SLC7A11: variants seen among roughly 807,000 people sequenced by gnomAD.
SLC7A11 encodes the protein solute carrier family 7 member 11, also known as cystine/glutamate transporter.
A neutral mutation model predicts 54.5 loss-of-function variants in SLC7A11; 35 were observed. That is an observed-to-expected ratio of 0.64 (90% CI 0.49 to 0.85). SLC7A11 has a LOEUF of 0.85. Ranked by LOEUF, SLC7A11 falls within the 40% of genes least tolerant of loss-of-function variation. The pLI is 0.00. For missense variants in SLC7A11, 583 were observed against 618.1 expected (o/e 0.94, Z 0.60); for synonymous variants, 230 against 225.2 (o/e 1.02, Z -0.19).
chr4:138,179,459 T>G (rs947947083), intron 10 of SLC7A11, 65 bp from the exon 11 acceptor site: 2 of 1,403,110 alleles, frequency 1.4e-6, no homozygotes, highest in African/African-American at 1.4e-5. Context: ...GGGTTTGAGA[T>G]GAGCGTGTCA....
At position 138,183,224 on chromosome 4, in the gene SLC7A11, C is replaced by G. The variant is rs748677483; in HGVS notation, c.997G>C (p.Gly333Arg). 11 of 1,611,358 alleles carry G rather than the reference C, an allele frequency of 6.8e-6. No individual in the cohort carries two copies. Among genetic ancestry groups the G allele is most frequent in the Non-Finnish European group, 7.6e-6 (9 of 1,178,354 alleles). ...CACCTGGAGACAGCAAACACACCAC[C>G]GTTCATGGAGCCAAAGCAGGAGAGG... ...VALSCFGSMN[G>R]GVFAVSRLFY... is the part of the protein sequence containing the mutation. The change falls in exon 8 of 12, where the codon GGT (glycine) becomes CGT (arginine). Residue 333 changes from glycine to arginine, a missense_variant. Gly to Arg is a moderately radical substitution (Grantham distance 125, BLOSUM62 -2). Coordinates refer to ENST00000280612, the MANE Select transcript of SLC7A11 (RefSeq NM_014331.4).
intron 6 of SLC7A11, among the ~76,000 whole-genome samples, chr4:138,191,774 T>A (rs1737018090): frequency 6.6e-6 from 1 of 152,140 alleles, no homozygotes; most frequent in Non-Finnish European, 1.5e-5. Flanking sequence ...ACACAAAAAA[T>A]TTGCATTGTC....
In SLC7A11 at chr4:138,167,088, C is replaced by CTAA. The variant is rs1343657116; in HGVS notation, c.*4865_*4867dup. On this transcript the variant is annotated 3_prime_UTR_variant, in exon 12 of 12. Coordinates refer to ENST00000280612, the MANE Select transcript of SLC7A11 (RefSeq NM_014331.4). Reference sequence around the variant, plus strand: ...TAAAAAATAATTTTTAAGTACAGTACTAATAAACTAAGGATGACCTAGAGA... The same window carrying CTAA: ...TAAAAAATAATTTTTAAGTACAGTACTAATAATAAACTAAGGATGACCTAGAGA... The CTAA allele has an allele frequency of 6.9e-6, 1 of 145,150 alleles. No individual in the cohort carries two copies. The highest frequency in any genetic ancestry group is 2.0e-4 in the East Asian group (1 of 4,918). 9.0% of individuals were successfully genotyped at this position (145,150 alleles called of 1,614,324 possible). A position where few individuals can be genotyped will look rare whatever the true frequency, so the allele number is the denominator to read the frequency against.
chr4:138,190,742 C>T (rs1051333956), intron 6 of SLC7A11, among the ~76,000 whole-genome samples: 1 of 152,158 alleles, frequency 6.6e-6, no homozygotes, highest in African/African-American at 2.4e-5. Context: ...CTGACTCTTG[C>T]TCACACTAAA....
Position 138,170,569 on chromosome 4 carries a change from CCT to C in SLC7A11, c.*1385_*1386del, listed in dbSNP as rs1226487092. On this transcript the variant is annotated 3_prime_UTR_variant, in exon 12 of 12. Coordinates refer to ENST00000280612, the MANE Select transcript of SLC7A11 (RefSeq NM_014331.4). ...GACCTCAGGTGATCCACCCCCTCAGCCTCCCAAAGTGCTGGGATTACAGATGT... is the reference window on the plus strand; with the variant it reads ...GACCTCAGGTGATCCACCCCCTCAGCCCCAAAGTGCTGGGATTACAGATGT... 1 of 151,906 alleles carries C rather than the reference CCT, an allele frequency of 6.6e-6. No homozygotes were observed. Among genetic ancestry groups the C allele is most frequent in the Non-Finnish European group, 1.5e-5 (1 of 67,998 alleles). The allele number at this position is 151,906 out of a possible 1,614,324, so 9.4% of individuals were successfully genotyped here.
At chr4:138,179,516 A>T (rs1424564175) in intron 10 of SLC7A11, 122 bp from the exon 11 acceptor site, 4 of 731,518 alleles carry the variant, frequency 5.5e-6, no homozygotes, top group Non-Finnish European at 6.7e-6. Context: ...GCGACCAGGT[A>T]ACAGGCACCA....
intron 6 of SLC7A11, among the ~76,000 whole-genome samples, chr4:138,189,364 G>A (rs147124666): frequency 0.011 from 1,602 of 152,158 alleles, 11 homozygotes; most frequent in Middle Eastern, 0.034. Context: ...AGTAATACCC[G>A]CAATTTTTAA....
chr4:138,234,450 A>T (rs1738156159), intron 2 of SLC7A11, among the ~76,000 whole-genome samples: 1 of 152,208 alleles, frequency 6.6e-6, no homozygotes, highest in Admixed American at 6.5e-5. Flanking sequence ...TAAAAGGCCA[A>T]CTCAGCAATA....
At chr4:138,187,173 C>T (rs1736900514) in intron 6 of SLC7A11, among the ~76,000 whole-genome samples, 1 of 152,144 alleles carries the variant, frequency 6.6e-6, no homozygotes, top group Non-Finnish European at 1.5e-5. Context: ...AGTCAGCCCC[C>T]TGCCTGTTTC....
At chr4:138,190,900 A>G (rs775118011) in intron 6 of SLC7A11, among the ~76,000 whole-genome samples, 4 of 152,086 alleles carry the variant, frequency 2.6e-5, no homozygotes, top group Non-Finnish European at 5.9e-5. Context: ...GACTGAGAGC[A>G]TCTGTAGAAG....
At chr4:138,173,024 G>T (rs555215376) in intron 11 of SLC7A11, among the ~76,000 whole-genome samples, 1 of 151,868 alleles carries the variant, frequency 6.6e-6, no homozygotes, top group South Asian at 2.1e-4. Flanking sequence ...TGTATTTTTA[G>T]TAGAGACGGG....
At chr4:138,187,357 C>T (rs552122714) in intron 6 of SLC7A11, among the ~76,000 whole-genome samples, 14 of 152,240 alleles carry the variant, frequency 9.2e-5, no homozygotes, top group African/African-American at 2.9e-4. Context: ...TTTTATTAGG[C>T]ACTTTACATA....
intron 6 of SLC7A11, among the ~76,000 whole-genome samples, chr4:138,191,546 CAG>C (rs1226907585): frequency 6.6e-6 from 1 of 151,898 alleles, no homozygotes; most frequent in African/African-American, 2.4e-5. Context: ...GAAAAATGGC[CAG>C]AAGGGTCACT....
intron 6 of SLC7A11, among the ~76,000 whole-genome samples, chr4:138,195,744 A>T (rs1737116002): frequency 6.6e-6 from 1 of 152,164 alleles, no homozygotes; most frequent in Non-Finnish European, 1.5e-5. Context: ...TTATGTATTC[A>T]TACTCACCAA....
At chr4:138,213,505 T>C (rs935916437) in intron 6 of SLC7A11, among the ~76,000 whole-genome samples, 1 of 151,188 alleles carries the variant, frequency 6.6e-6, no homozygotes, top group Non-Finnish European at 1.5e-5. Context: ...TAGAAATCAG[T>C]GTGTGTTTGT....
At chr4:138,232,997 TAAG>T (rs1179793543) in intron 2 of SLC7A11, among the ~76,000 whole-genome samples, 2 of 151,962 alleles carry the variant, frequency 1.3e-5, no homozygotes, top group African/African-American at 4.8e-5. Context: ...CTGATACAAT[TAAG>T]AAAATATAAA....
chr4:138,222,045 A>G (rs188019146), intron 4 of SLC7A11, among the ~76,000 whole-genome samples: 1 of 152,358 alleles, frequency 6.6e-6, no homozygotes, highest in Admixed American at 6.5e-5. Flanking sequence ...GCCAAGGTGT[A>G]TTAGAAGAGC....
At chr4:138,226,959 A>G (rs777983292) in intron 3 of SLC7A11, among the ~76,000 whole-genome samples, 21 of 152,206 alleles carry the variant, frequency 1.4e-4, no homozygotes, top group Admixed American at 6.5e-5. Context: ...GCAGTTTCCT[A>G]AGAACTGAAA....
At chr4:138,240,349 G>A (rs1405114626) in intron 1 of SLC7A11, among the ~76,000 whole-genome samples, 2 of 151,938 alleles carry the variant, frequency 1.3e-5, no homozygotes, top group South Asian at 4.1e-4. Flanking sequence ...GGTGGATCAC[G>A]AGGTCAGGAG....
Sources: allele counts gnomAD v4.1 joint callset (sites outside exome capture counted in the v4.1 genomes callset), GRCh38; gene constraint gnomAD v4.1.1; transcripts MANE v1.5; gene names NCBI Gene and HGNC (gene_info 2026-07-23, HGNC 2026-07-21).